Variants in INTS4 observed in about 807,000 individuals in gnomAD.
INTS4 encodes the protein integrator complex subunit 4.
In INTS4, 70 loss-of-function variants were observed where a neutral mutation model predicts 119.5. The ratio of observed to expected loss-of-function variants is 0.59; its 90% CI spans 0.48 to 0.71. INTS4 has a LOEUF of 0.71. Ranked by LOEUF, INTS4 falls within the 30% of genes least tolerant of loss-of-function variation. The probability of loss-of-function intolerance (pLI) is 0.00; values close to 1 mark genes in which losing one functional copy is unlikely to be tolerated. For missense variants in INTS4, 867 were observed against 1,173.2 expected, an observed-to-expected ratio of 0.74 and a Z score of 3.81; for synonymous variants, 316 against 419.6, an observed-to-expected ratio of 0.75 and a Z score of 3.02.
At chr11:77,918,745 C>T (rs532161804) in intron 15 of INTS4, 76 bp downstream of exon 15, 5 of 1,556,982 alleles carry the variant, frequency 3.2e-6, no homozygotes, top group Admixed American at 3.7e-5. Flanking sequence ...AGCCTAGTAA[C>T]CAACACCAGA....
chr11:77,913,913 C>T (rs1222223849), intron 15 of INTS4, among the ~76,000 whole-genome samples: 4 of 152,096 alleles, frequency 2.6e-5, no homozygotes, highest in Non-Finnish European at 1.5e-5. Flanking sequence ...TCCATAACAA[C>T]TCAGAAAGTG....
intron 4 of INTS4, among the ~76,000 whole-genome samples, chr11:77,964,689 T>A (rs1855416669): frequency 6.9e-6 from 1 of 145,772 alleles, no homozygotes; most frequent in Admixed American, 6.9e-5. Flanking sequence ...AGGAGACAAA[T>A]GGAAGGAAGG....
intron 21 of INTS4, among the ~76,000 whole-genome samples, chr11:77,886,969 A>G (rs1952042535): frequency 6.6e-6 from 1 of 152,076 alleles, no homozygotes; most frequent in Non-Finnish European, 1.5e-5. Context: ...GGAAATTTAT[A>G]GCACTAAATG....
chr11:77,928,681 T>C, intron 10 of INTS4, 134 bp from the exon 11 acceptor site: 1 of 1,381,558 alleles, frequency 7.2e-7, no homozygotes, highest in Non-Finnish European at 9.7e-7. Flanking sequence ...ACTCTGTTTC[T>C]ACCAAAAATA....
intron 2 of INTS4, among the ~76,000 whole-genome samples, chr11:77,982,163 G>C: frequency 6.8e-6 from 1 of 147,732 alleles, no homozygotes; most frequent in South Asian, 2.1e-4. Flanking sequence ...TTTGAAACAG[G>C]GTCTCACTGT....
chr11:77,937,044 G>A (rs1324133251), intron 10 of INTS4, among the ~76,000 whole-genome samples: 4 of 151,826 alleles, frequency 2.6e-5, no homozygotes, highest in South Asian at 2.1e-4. Flanking sequence ...GAGTGGTCGC[G>A]GGCACCTGCA....
At chr11:77,941,527 G>A (rs984833455) in intron 8 of INTS4, among the ~76,000 whole-genome samples, 25 of 148,572 alleles carry the variant, frequency 1.7e-4, no homozygotes, top group Non-Finnish European at 3.4e-4. Flanking sequence ...GCAGTGGCAT[G>A]ATCTCAGCTC....
intron 22 of INTS4, among the ~76,000 whole-genome samples, chr11:77,879,500 C>G (rs1418612734): frequency 2.0e-5 from 3 of 152,204 alleles, no homozygotes; most frequent in Non-Finnish European, 2.9e-5. Context: ...CAGTTGGGCT[C>G]TTCCTGCGCA....
rs1384876617 is a variant in INTS4, at chr11:77,991,257, G to A, written c.97C>T (p.Pro33Ser). 4.3e-6 allele frequency: 7 copies of A among 1,613,782 alleles called. No individual in the cohort carries two copies. Among genetic ancestry groups the A allele is most frequent in the Non-Finnish European group, 5.9e-6 (7 of 1,179,816 alleles). Residue 33 changes from proline (P) to serine (S), a missense_variant, in exon 2 of 23, where the codon CCA (proline) becomes TCA (serine). Physicochemically the swap from Pro to Ser is moderately conservative, Grantham distance 74. Transcript: ENST00000534064. ...ATGTGGAGTGCTGCAGATTTACTTG[G>A]TTTTGTTAGTCGGAGTTTCTTAGTA... The part of the protein sequence containing the change: ...IATKKLRLTK[P>S]SKSAALHIDL...
intron 11 of INTS4, among the ~76,000 whole-genome samples, chr11:77,926,282 C>T (rs887047925): frequency 2.0e-5 from 3 of 151,966 alleles, no homozygotes; most frequent in African/African-American, 7.3e-5. Flanking sequence ...GGGAGAAGTA[C>T]ACAGCAGGGT....
chr11:77,948,534 G>A (rs528290469), intron 8 of INTS4, among the ~76,000 whole-genome samples: 149 of 151,860 alleles, frequency 9.8e-4, no homozygotes, highest in South Asian at 6.5e-3. Context: ...TGTAATCCCG[G>A]TACTGGGGAG....
At chr11:77,965,650 G>A (rs1855471693) in intron 4 of INTS4, among the ~76,000 whole-genome samples, 2 of 152,174 alleles carry the variant, frequency 1.3e-5, no homozygotes, top group South Asian at 4.1e-4. Flanking sequence ...TGTCATGAAT[G>A]ACAGGATCTC....
At chr11:77,895,058 A>G (rs1952451894) in intron 18 of INTS4, among the ~76,000 whole-genome samples, 1 of 152,238 alleles carries the variant, frequency 6.6e-6, no homozygotes, top group Non-Finnish European at 1.5e-5. Context: ...ACAGACATAG[A>G]TGGTGTTCCT....
At chr11:77,957,617 C>T (rs1428767818) in intron 7 of INTS4, among the ~76,000 whole-genome samples, 2 of 149,594 alleles carry the variant, frequency 1.3e-5, no homozygotes, top group East Asian at 3.9e-4. Context: ...TAGCTTCCAC[C>T]GAATATTTCA....
chr11:77,900,389 A>T (rs537007180), intron 18 of INTS4, among the ~76,000 whole-genome samples: 43 of 152,100 alleles, frequency 2.8e-4, no homozygotes, highest in Admixed American at 4.6e-4. Context: ...GTGAGCCACC[A>T]CACCCGGCCA....
Position 77,956,038 on chromosome 11 carries a change from A to T in INTS4, c.822T>A (p.Asn274Lys), listed in dbSNP as rs1306570826. 1 of 1,601,096 alleles carries T rather than the reference A, an allele frequency of 6.2e-7. No individual in the cohort carries two copies. The highest frequency in any genetic ancestry group is 8.5e-7 in the Non-Finnish European group (1 of 1,175,214). ...CATCATCAACTAAGCGTATTTCTTCATTAGAAGAAGGAATTGGGACAATGC... is the reference window on the plus strand; with the variant it reads ...CATCATCAACTAAGCGTATTTCTTCTTTAGAAGAAGGAATTGGGACAATGC... The part of the protein sequence containing the change: ...PESIVPIPSS[N>K]EEIRLVDDAF... Residue 274 changes from asparagine to lysine, a missense_variant, in exon 8 of 23, where the codon AAT (asparagine) becomes AAA (lysine). Physicochemically the swap from Asn to Lys is moderately conservative, Grantham distance 94. Transcript: ENST00000534064.
At chr11:77,922,136 G>A (rs926290252) in intron 13 of INTS4, among the ~76,000 whole-genome samples, 7 of 151,554 alleles carry the variant, frequency 4.6e-5, no homozygotes, top group African/African-American at 1.7e-4. Context: ...ACTGAGGCAG[G>A]AGAATTGTTT....
At chr11:77,946,188 G>A (rs1274601802) in intron 8 of INTS4, among the ~76,000 whole-genome samples, 1 of 152,172 alleles carries the variant, frequency 6.6e-6, no homozygotes, top group Non-Finnish European at 1.5e-5. Context: ...AGGCAACTGA[G>A]GCAATTGCAA....
chr11:77,905,648 G>C (rs924543491), intron 16 of INTS4, among the ~76,000 whole-genome samples: 12 of 152,184 alleles, frequency 7.9e-5, no homozygotes, highest in Non-Finnish European at 1.8e-4. Flanking sequence ...ATTTGTGAAA[G>C]ATAAAATTTC....
Sources: allele counts gnomAD v4.1 joint callset (sites outside exome capture counted in the v4.1 genomes callset), GRCh38; gene constraint gnomAD v4.1.1; transcripts MANE v1.5; gene names NCBI Gene and HGNC (gene_info 2026-07-23, HGNC 2026-07-21).